The following EYA2 variants were observed in gnomAD, a reference collection of about 807,000 sequenced individuals.
EYA2 encodes EYA transcriptional coactivator and phosphatase 2.
EYA2 carries 31 observed loss-of-function variants against 69.2 expected under a neutral mutation model. The observed-to-expected ratio is 0.45, with a 90% confidence interval of 0.34 to 0.60. EYA2 has a LOEUF of 0.60. Among genes scored for constraint, EYA2 ranks in the 20% least tolerant of loss-of-function variants. The pLI is 0.02. For synonymous variants in EYA2, 257 were observed against 279.4 expected (o/e 0.92, Z 0.80); for missense variants, 622 against 701.2 (o/e 0.89, Z 1.28).
chr20:46,999,130 C>T (rs12481102), intron 2 of EYA2, among the ~76,000 whole-genome samples: 5,353 of 152,212 alleles, frequency 0.035, 409 homozygotes, highest in East Asian at 0.28. Flanking sequence ...CAAGTTAATT[C>T]GAGCCCATAG....
chr20:46,950,634 C>T (rs1446454414), intron 1 of EYA2, among the ~76,000 whole-genome samples: 1 of 152,162 alleles, frequency 6.6e-6, no homozygotes. Context: ...AGGCGGAGGT[C>T]GTACTCAAAT....
chr20:46,935,060 G>A (rs1239878571), intron 1 of EYA2, among the ~76,000 whole-genome samples: 1 of 152,222 alleles, frequency 6.6e-6, no homozygotes, highest in African/African-American at 2.4e-5. Flanking sequence ...GAGTCTGGAG[G>A]CAGGGAGAGG....
intron 5 of EYA2, among the ~76,000 whole-genome samples, chr20:47,045,738 G>A (rs2030003420): frequency 6.6e-6 from 1 of 152,198 alleles, no homozygotes; most frequent in South Asian, 2.1e-4. Flanking sequence ...CTGTTTTTGA[G>A]AATTTTTTTC....
rs369691370 is a variant in EYA2, at chr20:46,990,395, T to C, written c.109+276T>C. Among the ~76,000 whole-genome samples, 4 of 152,204 alleles carry C rather than the reference T, an allele frequency of 2.6e-5. No individual in the cohort carries two copies. The South Asian group carries it at 8.3e-4, about 32-fold the overall frequency. On this transcript the variant is annotated intron_variant, in intron 2 of 15. Transcript: ENST00000327619. ...ATGCTGACACCACCACGGATGATAG[T>C]CACTTTGGGGCGTGTCCCAGGCCCA...
intron 1 of EYA2, among the ~76,000 whole-genome samples, chr20:46,898,594 C>T (rs1439215885): frequency 2.6e-5 from 4 of 152,148 alleles, no homozygotes; most frequent in African/African-American, 7.2e-5. Context: ...GCAGAGAATT[C>T]GCTGGAGACA....
chr20:46,910,529 T>C (rs573946488), intron 1 of EYA2, among the ~76,000 whole-genome samples: 7 of 152,294 alleles, frequency 4.6e-5, no homozygotes, highest in African/African-American at 1.4e-4. Flanking sequence ...CAGCCAAGCA[T>C]AGGACATGCG....
At chr20:47,028,695 G>A (rs904741904) in intron 5 of EYA2, among the ~76,000 whole-genome samples, 1 of 152,190 alleles carries the variant, frequency 6.6e-6, no homozygotes, top group Non-Finnish European at 1.5e-5. Context: ...AATTGTACCT[G>A]TAAAGCTCTA....
At chr20:46,899,209 A>G (rs1047678769) in intron 1 of EYA2, among the ~76,000 whole-genome samples, 1 of 152,254 alleles carries the variant, frequency 6.6e-6, no homozygotes, top group African/African-American at 2.4e-5. Context: ...CATGTGCAAT[A>G]CAAGCTTTGG....
intron 9 of EYA2, among the ~76,000 whole-genome samples, chr20:47,121,943 A>G (rs1036392954): frequency 1.3e-5 from 2 of 152,184 alleles, no homozygotes; most frequent in African/African-American, 2.4e-5. Flanking sequence ...TCGGCCAGAC[A>G]TCACACTGAG....
intron 9 of EYA2, among the ~76,000 whole-genome samples, chr20:47,101,579 G>T (rs959483780): frequency 1.3e-5 from 2 of 152,136 alleles, no homozygotes; most frequent in Admixed American, 6.5e-5. Context: ...AAGAAGAATG[G>T]GTATTAGAGG....
intron 1 of EYA2, among the ~76,000 whole-genome samples, chr20:46,924,144 G>A (rs1457970498): frequency 6.6e-6 from 1 of 152,060 alleles, no homozygotes; most frequent in Non-Finnish European, 1.5e-5. Flanking sequence ...TCCTTTTTAG[G>A]TATATTAATT....
intron 1 of EYA2, among the ~76,000 whole-genome samples, chr20:46,966,215 G>C (rs901394982): frequency 6.6e-6 from 1 of 152,116 alleles, no homozygotes; most frequent in Non-Finnish European, 1.5e-5. Context: ...TTGAGCTCCT[G>C]GGTTCACGTG....
At chr20:46,931,298 A>G (rs753225420) in intron 1 of EYA2, among the ~76,000 whole-genome samples, 8 of 152,230 alleles carry the variant, frequency 5.3e-5, no homozygotes, top group Non-Finnish European at 1.0e-4. Flanking sequence ...ACACTAAAAT[A>G]TAGATTGTAT....
At chr20:46,990,892 C>T (rs1208606650) in intron 2 of EYA2, among the ~76,000 whole-genome samples, 1 of 152,222 alleles carries the variant, frequency 6.6e-6, no homozygotes, top group Non-Finnish European at 1.5e-5. Flanking sequence ...CAAAGTGACA[C>T]GTATCTAGTG....
chr20:47,169,055 C>A, intron 10 of EYA2, 84 bp from the exon 11 acceptor site: 1 of 1,304,660 alleles, frequency 7.7e-7, no homozygotes, highest in Non-Finnish European at 1.1e-6. Context: ...CAGCCCTCAG[C>A]TTATGAGGCC....
chr20:47,058,001 C>T (rs910885717), intron 5 of EYA2, among the ~76,000 whole-genome samples: 1 of 152,216 alleles, frequency 6.6e-6, no homozygotes, highest in Non-Finnish European at 1.5e-5. Context: ...ATAGTAAGTG[C>T]TCAATAAATG....
At chr20:46,977,484 C>T (rs1980533842) in intron 1 of EYA2, among the ~76,000 whole-genome samples, 1 of 152,196 alleles carries the variant, frequency 6.6e-6, no homozygotes, top group Non-Finnish European at 1.5e-5. Context: ...TGGTTGGACA[C>T]TGTATCCTCA....
chr20:47,116,649 C>T (rs969085475), intron 9 of EYA2, among the ~76,000 whole-genome samples: 2 of 152,228 alleles, frequency 1.3e-5, no homozygotes, highest in African/African-American at 4.8e-5. Context: ...GGACAGAGCC[C>T]CAGTGGCCCA....
chr20:46,986,115 C>T (rs1480633880), intron 1 of EYA2, among the ~76,000 whole-genome samples: 1 of 151,896 alleles, frequency 6.6e-6, no homozygotes, highest in African/African-American at 2.4e-5. Context: ...TGCTAAGCAC[C>T]ATACAATATG....
Sources: allele counts gnomAD v4.1 joint callset (sites outside exome capture counted in the v4.1 genomes callset), GRCh38; gene constraint gnomAD v4.1.1; transcripts MANE v1.5; gene names NCBI Gene and HGNC (gene_info 2026-07-23, HGNC 2026-07-21).